Variants in XKR9 observed in about 807,000 individuals in gnomAD.
The protein encoded by XKR9 is XK related 9, also known as XK-related protein 9.
A neutral mutation model predicts 32.0 loss-of-function variants in XKR9; 32 were observed. That is an observed-to-expected ratio of 1.00 (90% CI 0.76 to 1.34). XKR9 has a LOEUF of 1.34. Among genes scored for constraint, XKR9 ranks in the 40% most tolerant of loss-of-function variants. The pLI is 0.00. For missense variants in XKR9, 546 were observed against 429.7 expected (o/e 1.27, Z -2.39); for synonymous variants, 168 against 143.4 (o/e 1.17, Z -1.22).
At chr8:70,724,171 C>A (rs1235883590) in intron 4 of XKR9, among the ~76,000 whole-genome samples, 1 of 152,120 alleles carries the variant, frequency 6.6e-6, no homozygotes, top group African/African-American at 2.4e-5. Flanking sequence ...TTCTGGGCTT[C>A]CTCAACACTG....
the XKR9 span, among the ~76,000 whole-genome samples, chr8:70,825,897 CAA>C: frequency 6.6e-6 from 1 of 152,006 alleles, no homozygotes; most frequent in Admixed American, 6.6e-5. Flanking sequence ...GAATTTTCTG[CAA>C]AGAGATTTAA....
chr8:71,046,706 TA>T, the XKR9 span, among the ~76,000 whole-genome samples: 1 of 152,066 alleles, frequency 6.6e-6, no homozygotes. Flanking sequence ...TGGGTAGGAG[TA>T]AAAAACCTTA....
chr8:70,787,605 G>C (rs1586898950), intron 2 of XKR9, among the ~76,000 whole-genome samples: 1 of 152,194 alleles, frequency 6.6e-6, no homozygotes, highest in East Asian at 1.9e-4. Context: ...ACAGTGCTTT[G>C]TTAATCTGGT....
At chr8:70,846,612 C>T in the XKR9 span, among the ~76,000 whole-genome samples, 1 of 151,814 alleles carries the variant, frequency 6.6e-6, no homozygotes, top group African/African-American at 2.4e-5. Context: ...AAACCCATGA[C>T]CTGACTATAT....
chr8:70,807,567 AT>A, the XKR9 span, among the ~76,000 whole-genome samples: 2,027 of 152,290 alleles, frequency 0.013, 58 homozygotes, highest in African/African-American at 0.046. Flanking sequence ...GGATGGAGGA[AT>A]ATTTACCAAG....
chr8:70,846,361 A>G, the XKR9 span, among the ~76,000 whole-genome samples: 21 of 152,238 alleles, frequency 1.4e-4, no homozygotes, highest in African/African-American at 5.1e-4. Flanking sequence ...ACACAGGAAA[A>G]TATAAAACAC....
chr8:70,800,752 CT>C, the XKR9 span, among the ~76,000 whole-genome samples: 1 of 152,120 alleles, frequency 6.6e-6, no homozygotes, highest in East Asian at 1.9e-4. Context: ...TCCCGAAGTG[CT>C]GGGATTACAG....
the XKR9 span, among the ~76,000 whole-genome samples, chr8:70,977,183 A>G: frequency 7.4e-4 from 112 of 152,244 alleles, no homozygotes; most frequent in Admixed American, 2.6e-3. Context: ...TTCTTTTCAA[A>G]AAACCAGATC....
At chr8:70,683,568 G>A (rs749295645) in intron 3 of XKR9, 46 of 450,478 alleles carry the variant, frequency 1.0e-4, no homozygotes, top group Non-Finnish European at 1.8e-4. Context: ...GCTCATTGCA[G>A]CCTCCACCTC....
the XKR9 span, among the ~76,000 whole-genome samples, chr8:70,977,904 T>C: frequency 6.6e-5 from 10 of 152,212 alleles, no homozygotes; most frequent in African/African-American, 2.4e-4. Flanking sequence ...ACTTGCTTTA[T>C]GAATCTGGGT....
intron 3 of XKR9, among the ~76,000 whole-genome samples, chr8:70,690,280 G>A (rs762669817): frequency 1.8e-4 from 27 of 152,048 alleles, no homozygotes; most frequent in Non-Finnish European, 2.9e-4. Flanking sequence ...AAGTAGATGC[G>A]TGTCAGTGTC....
At chr8:70,792,648 G>A (rs1807779234), downstream of XKR9, among the ~76,000 whole-genome samples, 1 of 152,118 alleles carries the variant, frequency 6.6e-6, no homozygotes, top group Non-Finnish European at 1.5e-5. Flanking sequence ...CTAGAAGAGT[G>A]GAAAGAGATG....
intron 2 of XKR9, among the ~76,000 whole-genome samples, chr8:70,770,375 G>A (rs1227721906): frequency 6.6e-6 from 1 of 152,198 alleles, no homozygotes; most frequent in Non-Finnish European, 1.5e-5. Flanking sequence ...TGAGGTGTCT[G>A]TCGACCCCTG....
chr8:71,016,672 T>A, the XKR9 span, among the ~76,000 whole-genome samples: 4 of 152,204 alleles, frequency 2.6e-5, no homozygotes, highest in East Asian at 7.7e-4. Flanking sequence ...ATTACAGATA[T>A]GATACCCCAG....
At chr8:70,853,009 G>A in the XKR9 span, among the ~76,000 whole-genome samples, 156 of 151,808 alleles carry the variant, frequency 1.0e-3, 2 homozygotes, top group African/African-American at 3.5e-3. Flanking sequence ...TATAAAAAAA[G>A]AAATAAAAGA....
chr8:70,918,034 G>C, the XKR9 span, among the ~76,000 whole-genome samples: 4 of 152,278 alleles, frequency 2.6e-5, no homozygotes, highest in South Asian at 8.3e-4. Flanking sequence ...CTTAAATATG[G>C]GTAGGATCAG....
chr8:70,748,602 G>A (rs1424384017), intron 2 of XKR9, among the ~76,000 whole-genome samples: 3 of 152,340 alleles, frequency 2.0e-5, no homozygotes, highest in Non-Finnish European at 4.4e-5. Context: ...GTGCCCCTTG[G>A]CATGAGGAGC....
At chr8:70,924,106 G>T in the XKR9 span, among the ~76,000 whole-genome samples, 358 of 152,312 alleles carry the variant, frequency 2.4e-3, 3 homozygotes, top group African/African-American at 8.1e-3. Context: ...CCAGCTCACA[G>T]AATTTCTGAA....
chr8:70,733,910 T>A lies in XKR9; in HGVS notation c.608T>A (p.Ile203Asn). The part of the protein sequence containing the change: ...KKLLNGLCPK[I>N]TYLFYKLFTL... Reference sequence around the variant, plus strand: ...CTTCTTAATGGATTATGTCCCAAAATCACATATCTCTTTTACAAGTTGTTT... The same window carrying A: ...CTTCTTAATGGATTATGTCCCAAAAACACATATCTCTTTTACAAGTTGTTT... The change falls in exon 5 of 5, where the codon ATC (isoleucine) becomes AAC (asparagine). Residue 203 changes from isoleucine to asparagine, a missense_variant. Transcript: ENST00000408926. The A allele has an allele frequency of 6.2e-7, 1 of 1,612,932 alleles. No homozygotes were observed. The highest frequency in any genetic ancestry group is 8.5e-7 in the Non-Finnish European group (1 of 1,179,694).
Sources: gnomAD v4.1 joint callset for allele counts (sites outside exome capture counted in the v4.1 genomes callset) on GRCh38, gnomAD v4.1.1 for gene constraint, MANE v1.5 for transcripts, NCBI Gene and HGNC (gene_info 2026-07-23, HGNC 2026-07-21) for gene names.